ELMO1: variants seen among roughly 807,000 people sequenced by gnomAD.
ELMO1 encodes engulfment and cell motility 1.
ELMO1 carries 26 observed loss-of-function variants against 98.9 expected under a neutral mutation model. The ratio of observed to expected loss-of-function variants is 0.26; its 90% CI spans 0.19 to 0.36. ELMO1 has a LOEUF of 0.36. Ranked by LOEUF, ELMO1 falls within the 10% of genes least tolerant of loss-of-function variation. The pLI is 1.00. For synonymous variants in ELMO1, 346 were observed against 346.0 expected, an observed-to-expected ratio of 1.00 and a Z score of 0.00; for missense variants, 627 against 935.2, an observed-to-expected ratio of 0.67 and a Z score of 4.30.
At chr7:37,408,963 C>A (rs1803887175) in intron 1 of ELMO1, among the ~76,000 whole-genome samples, 1 of 152,152 alleles carries the variant, frequency 6.6e-6, no homozygotes, top group African/African-American at 2.4e-5. Flanking sequence ...CTGAGCATGA[C>A]TTTCACAGAA....
intron 16 of ELMO1, among the ~76,000 whole-genome samples, chr7:36,950,105 C>G (rs928860703): frequency 6.6e-6 from 1 of 151,134 alleles, no homozygotes; most frequent in Admixed American, 6.6e-5. Flanking sequence ...GAAGATACAG[C>G]TCCCTGTATA....
At chr7:36,967,080 A>T (rs1789499327) in intron 16 of ELMO1, among the ~76,000 whole-genome samples, 1 of 152,206 alleles carries the variant, frequency 6.6e-6, no homozygotes, top group Non-Finnish European at 1.5e-5. Context: ...TGTTCACTGG[A>T]GGACATTATA....
At chr7:36,948,921 T>A (rs1463061706) in intron 16 of ELMO1, among the ~76,000 whole-genome samples, 3 of 152,158 alleles carry the variant, frequency 2.0e-5, no homozygotes, top group African/African-American at 7.2e-5. Context: ...AATGGTACGA[T>A]CTTGGCTCAC....
chr7:36,861,854 G>A (rs1315095543), intron 20 of ELMO1, 118 bp from the exon 21 acceptor site: 2 of 904,778 alleles, frequency 2.2e-6, no homozygotes, highest in Non-Finnish European at 3.6e-6. Flanking sequence ...AAGCGGAGCT[G>A]CAATGAGGCT....
At chr7:37,334,060 C>T (rs1015841211) in intron 2 of ELMO1, among the ~76,000 whole-genome samples, 10 of 152,194 alleles carry the variant, frequency 6.6e-5, no homozygotes, top group African/African-American at 2.4e-4. Context: ...ACAGCATGAG[C>T]ATCACCAGGG....
chr7:36,937,689 G>A (rs1442601168), intron 16 of ELMO1, among the ~76,000 whole-genome samples: 1 of 152,198 alleles, frequency 6.6e-6, no homozygotes, highest in East Asian at 1.9e-4. Flanking sequence ...GTCCTCTATT[G>A]ACAATAGTGT....
chr7:37,382,830 T>A (rs1286813916), intron 1 of ELMO1, among the ~76,000 whole-genome samples: 1 of 152,008 alleles, frequency 6.6e-6, no homozygotes, highest in East Asian at 1.9e-4. Flanking sequence ...TTCTCCCAGG[T>A]GTATGCATGC....
intron 16 of ELMO1, among the ~76,000 whole-genome samples, chr7:36,987,826 C>T (rs1475888282): frequency 2.6e-5 from 4 of 151,402 alleles, no homozygotes; most frequent in East Asian, 2.0e-4. Context: ...GGTGTGATCT[C>T]GGCTCACTGC....
At chr7:37,215,395 C>T (rs1163584925) in intron 11 of ELMO1, among the ~76,000 whole-genome samples, 1 of 152,174 alleles carries the variant, frequency 6.6e-6, no homozygotes, top group Non-Finnish European at 1.5e-5. Context: ...GCTGTTGGGA[C>T]ATCTGGGACC....
intron 14 of ELMO1, among the ~76,000 whole-genome samples, chr7:37,120,800 G>A (rs1271029584): frequency 6.6e-6 from 1 of 152,164 alleles, no homozygotes; most frequent in Non-Finnish European, 1.5e-5. Context: ...CATGCAGCTT[G>A]AGATCTGAGA....
intron 14 of ELMO1, among the ~76,000 whole-genome samples, chr7:37,125,669 A>G (rs1376209142): frequency 6.6e-6 from 1 of 152,246 alleles, no homozygotes; most frequent in African/African-American, 2.4e-5. Flanking sequence ...GAGGATGTGG[A>G]GAAACAGGAA....
chr7:37,158,945 C>G (rs554754041), intron 13 of ELMO1, among the ~76,000 whole-genome samples: 1 of 152,110 alleles, frequency 6.6e-6, no homozygotes, highest in Non-Finnish European at 1.5e-5. Context: ...AAATGTGGCA[C>G]GTATACACCA....
Position 37,276,263 on chromosome 7 carries a change from A to G in ELMO1, c.193-4381T>C, listed in dbSNP as rs1006555931. ...ATTGCAAATGCTAAAAAGAAATGAG[A>G]TAGGAAGAGAGAGAAAGAGAGAGAG... On this transcript the variant is annotated intron_variant, in intron 4 of 21. Transcript: ENST00000310758. Among the ~76,000 whole-genome samples the G allele has an allele frequency of 6.6e-5, 10 of 152,144 alleles. 1 individual carries two copies. In the Middle Eastern group the frequency reaches 0.01, roughly 156 times the overall value.
intron 16 of ELMO1, among the ~76,000 whole-genome samples, chr7:37,006,797 T>G (rs749186611): frequency 1.9e-4 from 29 of 152,218 alleles, no homozygotes; most frequent in South Asian, 6.2e-4. Context: ...TGGCCAGGGT[T>G]ATGTTACCTG....
chr7:37,068,109 T>G (rs1797080066), intron 15 of ELMO1, among the ~76,000 whole-genome samples: 1 of 152,172 alleles, frequency 6.6e-6, no homozygotes, highest in South Asian at 2.1e-4. Context: ...GAACTGACTG[T>G]GGGTCACGTG....
intron 4 of ELMO1, among the ~76,000 whole-genome samples, chr7:37,292,690 A>G (rs1328689700): frequency 1.1e-5 from 1 of 93,074 alleles, no homozygotes; most frequent in African/African-American, 3.4e-5. Flanking sequence ...CCGTCTGGGA[A>G]GTGAGGAGCG....
At chr7:37,197,632 G>T (rs1040660402) in intron 13 of ELMO1, among the ~76,000 whole-genome samples, 1 of 152,214 alleles carries the variant, frequency 6.6e-6, no homozygotes, top group Non-Finnish European at 1.5e-5. Flanking sequence ...GCTGATTGAT[G>T]GCCATCAAAA....
chr7:37,190,882 T>G (rs558318255), intron 13 of ELMO1, among the ~76,000 whole-genome samples: 6 of 151,978 alleles, frequency 3.9e-5, no homozygotes, highest in Non-Finnish European at 8.8e-5. Flanking sequence ...TACTTACTTA[T>G]ACAAGCATAG....
chr7:37,331,333 C>CTTCTTTTTTT, intron 2 of ELMO1, among the ~76,000 whole-genome samples: 1 of 28,716 alleles, frequency 3.5e-5, no homozygotes, highest in Non-Finnish European at 6.8e-5. Context: ...CCACGCCTGG[C>CTTCTTTTTTT]TTTTTTTTTT....
Sources: gnomAD v4.1 joint callset for allele counts (sites outside exome capture counted in the v4.1 genomes callset) on GRCh38, gnomAD v4.1.1 for gene constraint, MANE v1.5 for transcripts, NCBI Gene and HGNC (gene_info 2026-07-23, HGNC 2026-07-21) for gene names.